The following GNB1 variants were observed in gnomAD, a reference collection of about 807,000 sequenced individuals.
The protein encoded by GNB1 is G protein subunit beta 1, also known as guanine nucleotide-binding protein G(I)/G(S)/G(T) subunit beta-1.
In GNB1, 2 loss-of-function variants were observed where a neutral mutation model predicts 42.9. The ratio of observed to expected loss-of-function variants is 0.05; its 90% CI spans 0.02 to 0.15. The LOEUF is 0.15. Among genes scored for constraint, GNB1 ranks in the 10% least tolerant of loss-of-function variants. The pLI is 1.00. For missense variants in GNB1, 193 were observed against 462.2 expected (o/e 0.42, Z 5.34); for synonymous variants, 183 against 174.7 (o/e 1.05, Z -0.38).
chr1:1,843,075 T>C (rs1647402718), intron 1 of GNB1, among the ~76,000 whole-genome samples: 1 of 152,170 alleles, frequency 6.6e-6, no homozygotes, highest in African/African-American at 2.4e-5. Context: ...CGAGAGGCAA[T>C]ACTGACCCCA....
intron 1 of GNB1, among the ~76,000 whole-genome samples, chr1:1,853,447 C>T (rs1318424691): frequency 6.6e-6 from 1 of 152,078 alleles, no homozygotes; most frequent in African/African-American, 2.4e-5. Flanking sequence ...TGGTCTCTGC[C>T]GAACTCTGAC....
intron 1 of GNB1, among the ~76,000 whole-genome samples, chr1:1,844,925 T>G (rs1027676775): frequency 6.6e-6 from 1 of 152,304 alleles, no homozygotes; most frequent in Non-Finnish European, 1.5e-5. Flanking sequence ...GCCTGGGGGC[T>G]TGTAAGAAAC....
intron 2 of GNB1, among the ~76,000 whole-genome samples, chr1:1,828,618 C>G (rs549939762): frequency 1.3e-5 from 2 of 152,238 alleles, no homozygotes; most frequent in African/African-American, 4.8e-5. Flanking sequence ...CATCTTTAGT[C>G]ACATGCAAAG....
At chr1:1,860,979 G>A (rs1360696171) in intron 1 of GNB1, among the ~76,000 whole-genome samples, 3 of 151,780 alleles carry the variant, frequency 2.0e-5, no homozygotes, top group Non-Finnish European at 2.9e-5. Flanking sequence ...ATGGTGGCAC[G>A]AGCCTGTAGT....
chr1:1,813,637 C>T (rs1217208789), intron 5 of GNB1, among the ~76,000 whole-genome samples: 3 of 151,964 alleles, frequency 2.0e-5, no homozygotes, highest in African/African-American at 7.3e-5. Context: ...ACTCCAGGTG[C>T]GCACCACAAC....
At chr1:1,847,104 T>A (rs572007768) in intron 1 of GNB1, among the ~76,000 whole-genome samples, 2 of 151,762 alleles carry the variant, frequency 1.3e-5, no homozygotes, top group Non-Finnish European at 3.0e-5. Context: ...AGGACACTTA[T>A]TAGTAAGGAA....
At chr1:1,858,970 T>C (rs1297695062) in intron 1 of GNB1, among the ~76,000 whole-genome samples, 2 of 152,072 alleles carry the variant, frequency 1.3e-5, no homozygotes, top group African/African-American at 4.8e-5. Context: ...CCATTAGTAA[T>C]TGTGGCTATT....
At chr1:1,814,246 G>C (rs934783544) in intron 5 of GNB1, among the ~76,000 whole-genome samples, 1 of 152,066 alleles carries the variant, frequency 6.6e-6, no homozygotes, top group Non-Finnish European at 1.5e-5. Context: ...ACAATTTCAC[G>C]AACAAAGAAA....
intron 5 of GNB1, among the ~76,000 whole-genome samples, chr1:1,807,480 A>AAAAAAC (rs1557892205): frequency 1.3e-5 from 2 of 149,298 alleles, no homozygotes; most frequent in African/African-American, 4.9e-5. Flanking sequence ...AAAAAAAAAA[A>AAAAAAC]AAAAAAAAAA....
At chr1:1,872,150 T>A (rs1299902421) in intron 1 of GNB1, among the ~76,000 whole-genome samples, 1 of 152,046 alleles carries the variant, frequency 6.6e-6, no homozygotes, top group Non-Finnish European at 1.5e-5. Context: ...TACAAGTGTA[T>A]GCTACAATGC....
intron 7 of GNB1, among the ~76,000 whole-genome samples, chr1:1,797,091 CAAG>C (rs1004906887): frequency 6.6e-6 from 1 of 152,134 alleles, no homozygotes; most frequent in African/African-American, 2.4e-5. Flanking sequence ...ACAGCAAAGC[CAAG>C]AAGGACACAC....
intron 2 of GNB1, among the ~76,000 whole-genome samples, chr1:1,828,482 C>T (rs562996120): frequency 4.3e-4 from 66 of 152,210 alleles, no homozygotes; most frequent in African/African-American, 1.5e-3. Flanking sequence ...AACAATCACC[C>T]AGCTGTATTG....
intron 1 of GNB1, among the ~76,000 whole-genome samples, chr1:1,877,314 A>ATATAT (rs1370157251): frequency 3.8e-5 from 5 of 131,226 alleles, no homozygotes; most frequent in South Asian, 2.4e-4. Context: ...AAAAAAAAAA[A>ATATAT]AAATATATAT....
chr1:1,829,920 A>G (rs1647052810), intron 2 of GNB1, among the ~76,000 whole-genome samples: 1 of 151,948 alleles, frequency 6.6e-6, no homozygotes, highest in Admixed American at 6.6e-5. Context: ...TTGTATTTTT[A>G]GTAGAGACAG....
rs1646464205 is a variant in GNB1, at chr1:1,790,280, G to T, written c.699+115C>A. 5 of 716,782 alleles carry T rather than the reference G, an allele frequency of 7.0e-6. No individual in the cohort carries two copies. In the South Asian group the frequency reaches 8.4e-5, roughly 12 times the overall value. The allele number at this position is 716,782 out of a possible 1,614,324, so 44.4% of individuals were successfully genotyped here. ...TTCTGTATCCCCATCTGTACATGAG[G>T]TTGTATAAGGATCAGAAAGGAGAAC... On this transcript the variant is annotated intron_variant, in intron 9 of 11. Transcript: ENST00000378609. This position sits in a 1 kb window ranked among gnomAD's most constrained non-coding sequence, Gnocchi z 5.4.
chr1:1,808,676 C>G (rs1432615538), intron 5 of GNB1, among the ~76,000 whole-genome samples: 1 of 152,140 alleles, frequency 6.6e-6, no homozygotes, highest in African/African-American at 2.4e-5. Flanking sequence ...CAGAGTCTCG[C>G]TCTGTCACCC....
Position 1,789,117 on chromosome 1 carries a change from G to C in GNB1, c.852C>G (p.Leu284=), listed in dbSNP as rs770504056. The change falls in exon 10 of 12, where the codon CTC becomes CTG. Residue 284 remains leucine, a synonymous_variant. Transcript: ENST00000378609. ...TSVSFSKSGR[L]LLAGYDDFNC... Reference sequence around the variant, plus strand: ...TGAAGTCGTCGTACCCAGCAAGGAGGAGGCGCCCGCTCTTGGAGAAGGAGA... The same window carrying C: ...TGAAGTCGTCGTACCCAGCAAGGAGCAGGCGCCCGCTCTTGGAGAAGGAGA... 2.5e-6 allele frequency: 4 copies of C among 1,614,212 alleles called. No individual in the cohort carries two copies. The highest frequency in any genetic ancestry group is 2.5e-6 in the Non-Finnish European group (3 of 1,180,038).
chr1:1,786,391 C>CT lies in GNB1; in HGVS notation c.*671dup, dbSNP rs1646406736. On this transcript the variant is annotated 3_prime_UTR_variant, in exon 12 of 12. Transcript: ENST00000378609. The stretch of plus-strand genomic sequence containing the variant: ...GCATTTGAGACCGTCCCCGCATGTG[C>CT]TTGGCCCCATGGCTTCTGAACATGT... 1 of 265,424 alleles carries CT rather than the reference C, an allele frequency of 3.8e-6. No individual in the cohort carries two copies. Among genetic ancestry groups the CT allele is most frequent in the Non-Finnish European group, 7.0e-6 (1 of 141,978 alleles). 16.4% of individuals were successfully genotyped at this position (265,424 alleles called of 1,614,324 possible). A position where few individuals can be genotyped will look rare whatever the true frequency, so the allele number is the denominator to read the frequency against.
intron 7 of GNB1, among the ~76,000 whole-genome samples, chr1:1,798,545 T>G (rs77521232): frequency 6.6e-6 from 1 of 152,200 alleles, no homozygotes; most frequent in Non-Finnish European, 1.5e-5. Flanking sequence ...TATGTATCTG[T>G]AGCCATCTTG....
Sources: allele counts gnomAD v4.1 joint callset (sites outside exome capture counted in the v4.1 genomes callset), GRCh38; gene constraint gnomAD v4.1.1; non-coding constraint Gnocchi (gnomAD v3.1); transcripts MANE v1.5; gene names NCBI Gene and HGNC (gene_info 2026-07-23, HGNC 2026-07-21).